Variants in AOX1 observed in about 807,000 individuals in gnomAD.
AOX1 encodes aldehyde oxidase.
Under a neutral mutation model 169.5 loss-of-function variants are expected in AOX1, and 153 were observed. That is an observed-to-expected ratio of 0.90 (90% CI 0.79 to 1.03). AOX1 has a LOEUF of 1.03. Among genes scored for constraint, AOX1 ranks in the 50% least tolerant of loss-of-function variants. AOX1 has a pLI of 0.00. For synonymous variants in AOX1, 562 were observed against 581.9 expected, an observed-to-expected ratio of 0.97 and a Z score of 0.49; for missense variants, 1,656 against 1,663.9, an observed-to-expected ratio of 1.00 and a Z score of 0.08.
chr2:200,610,235 C>T (rs908030790), intron 12 of AOX1, among the ~76,000 whole-genome samples: 1 of 152,070 alleles, frequency 6.6e-6, no homozygotes, highest in Non-Finnish European at 1.5e-5. Context: ...CCATGCCCAG[C>T]TAATTTTTGT....
At chr2:200,660,306 C>A (rs1391053352) in intron 29 of AOX1, among the ~76,000 whole-genome samples, 2 of 152,166 alleles carry the variant, frequency 1.3e-5, no homozygotes. Flanking sequence ...GTTCTTCTGC[C>A]AGAACTCCTG....
rs993498913 is a variant in AOX1 at position 200,671,327 on chromosome 2, T to C, written c.*648T>C. On this transcript the variant is annotated 3_prime_UTR_variant, in exon 35 of 35. Coordinates refer to ENST00000374700, the MANE Select transcript of AOX1 (RefSeq NM_001159.4). Reference sequence around the variant, plus strand: ...TACATAAAGAGCTCTTACAACTCAATAAAAGGCAAGTAATTTAAAAATAGG... The same window carrying C: ...TACATAAAGAGCTCTTACAACTCAACAAAAGGCAAGTAATTTAAAAATAGG... 1.3e-5 allele frequency: 2 copies of C among 152,294 alleles called. No homozygotes were observed. Among genetic ancestry groups the C allele is most frequent in the Admixed American group, 1.3e-4 (2 of 15,302 alleles). The allele number at this position is 152,294 out of a possible 1,614,324, so 9.4% of individuals were successfully genotyped here.
intron 10 of AOX1, 122 bp downstream of exon 10, chr2:200,605,750 A>T (rs1343595460): frequency 2.2e-6 from 1 of 449,204 alleles, no homozygotes; most frequent in Admixed American, 4.0e-5. Flanking sequence ...TTCTCTTCTT[A>T]TAAGAATGAT....
chr2:200,676,599 C>CAA (rs58206033), intron 4 of AOX1, among the ~76,000 whole-genome samples: 27 of 98,020 alleles, frequency 2.8e-4, no homozygotes, highest in African/African-American at 9.8e-4. Context: ...GACTACATCT[C>CAA]AAAAAAAAAA....
rs1241428231 is a variant in AOX1 at position 200,586,053 on chromosome 2, A to G, written c.-56A>G. The G allele has an allele frequency of 6.5e-6, 10 of 1,543,838 alleles. No individual in the cohort carries two copies. Among genetic ancestry groups the G allele is most frequent in the African/African-American group, 2.7e-5 (2 of 72,816 alleles). On this transcript the variant is annotated 5_prime_UTR_variant, in exon 1 of 35. Coordinates refer to ENST00000374700, the MANE Select transcript of AOX1 (RefSeq NM_001159.4). ...TGCCGCCGGGTCCCAGGTGCCCGCTACTTCCCAGAACCTCCGCCTCCCGCT... is the reference window on the plus strand; with the variant it reads ...TGCCGCCGGGTCCCAGGTGCCCGCTGCTTCCCAGAACCTCCGCCTCCCGCT...
chr2:200,665,115 C>T (rs1415108986), intron 31 of AOX1, among the ~76,000 whole-genome samples: 2 of 152,212 alleles, frequency 1.3e-5, no homozygotes, highest in Non-Finnish European at 2.9e-5. Flanking sequence ...TGAGTGTCCT[C>T]AGGACAAGAC....
chr2:200,609,504 A>T (rs2034588885), intron 12 of AOX1, 90 bp downstream of exon 12: 3 of 1,114,746 alleles, frequency 2.7e-6, no homozygotes, highest in Non-Finnish European at 2.7e-6. Flanking sequence ...CTTGAAAATG[A>T]CTTTTCCCTA....
intron 9 of AOX1, 62 bp downstream of exon 9, chr2:200,604,902 G>C: frequency 1.6e-6 from 2 of 1,239,628 alleles, no homozygotes; most frequent in South Asian, 1.2e-5. Flanking sequence ...GGATGGGGCC[G>C]GGGTGGGCTG....
intron 20 of AOX1, among the ~76,000 whole-genome samples, chr2:200,631,097 C>T (rs916491089): frequency 2.0e-5 from 3 of 152,070 alleles, no homozygotes; most frequent in African/African-American, 4.8e-5. Context: ...TCTTAGAATG[C>T]GTTCTTGGAG....
At chr2:200,652,073 A>G (rs2035590665) in intron 26 of AOX1, among the ~76,000 whole-genome samples, 1 of 152,168 alleles carries the variant, frequency 6.6e-6, no homozygotes, top group South Asian at 2.1e-4. Context: ...ATCACAAAAT[A>G]GGAACAAATG....
intron 9 of AOX1, 49 bp downstream of exon 9, chr2:200,604,889 T>A: frequency 6.5e-7 from 1 of 1,533,932 alleles, no homozygotes; most frequent in Non-Finnish European, 9.0e-7. Flanking sequence ...GAAAAAGGGC[T>A]TGGGATGGGG....
chr2:200,673,598 T>C (rs2036056716), downstream of AOX1, among the ~76,000 whole-genome samples: 1 of 152,218 alleles, frequency 6.6e-6, no homozygotes, highest in Non-Finnish European at 1.5e-5. Flanking sequence ...TTTGCTTTCC[T>C]TCCAACCATT....
At chr2:200,676,163 CCTT>C, downstream of AOX1, among the ~76,000 whole-genome samples, 1 of 151,690 alleles carries the variant, frequency 6.6e-6, no homozygotes, top group Non-Finnish European at 1.5e-5. Context: ...TTAAAATAAG[CCTT>C]CTATTTGTAA....
intron 29 of AOX1, 135 bp downstream of exon 29, chr2:200,660,204 A>G: frequency 1.4e-6 from 1 of 717,548 alleles, no homozygotes; most frequent in South Asian, 1.8e-5. Flanking sequence ...GATAAATAAA[A>G]GGCCCTTTGG....
chr2:200,668,798 T>C lies in AOX1; in HGVS notation c.3793T>C (p.Ser1265Pro), dbSNP rs1410912791. The C allele has an allele frequency of 1.2e-6, 2 of 1,613,756 alleles. No individual in the cohort carries two copies. Among genetic ancestry groups the C allele is most frequent in the Non-Finnish European group, 8.5e-7 (1 of 1,179,804 alleles). ...TCAAAACTCAAATACTCTTTATTCA[T>C]CTAAGGTAAGTAATGTTCTATGGGT... is the stretch of plus-strand genomic sequence containing the variant. ...PSQNSNTLYS[S>P]KGLGESGVFL... Residue 1265 changes from serine to proline, a missense_variant, in exon 33 of 35, where the codon TCT becomes CCT. Ser to Pro is a moderately conservative substitution (Grantham distance 74). Coordinates refer to ENST00000374700, the MANE Select transcript of AOX1 (RefSeq NM_001159.4).
chr2:200,586,134 T>A lies in AOX1; in HGVS notation c.26T>A (p.Phe9Tyr). 1 of 1,566,766 alleles carries A rather than the reference T, an allele frequency of 6.4e-7. No individual in the cohort carries two copies. The highest frequency in any genetic ancestry group is 1.2e-5 in the South Asian group (1 of 84,968). ...ATGGACCGGGCGTCCGAGCTGCTCT[T>A]CTACGTGAACGGCCGCAAGGTGAGC... MDRASELLFYVNGRKVIEK... is the reference protein window; with the variant it reads MDRASELLYYVNGRKVIEK... The change falls in exon 1 of 35, where the codon TTC (phenylalanine) becomes TAC (tyrosine). Residue 9 changes from phenylalanine (F) to tyrosine (Y), a missense_variant. Transcript: ENST00000374700.
In AOX1 at chr2:200,588,726, C is replaced by CTTTTTTTTTTCTTTTTTTTTT. The variant is rs2034096771; in HGVS notation, c.45+2583_45+2584insCTTTTTTTTTTTTTTTTTTTT. On this transcript the variant is annotated intron_variant, in intron 1 of 34. Transcript: ENST00000374700. ...CTTACATGGAAAGAACTAGAATAAG[C>CTTTTTTTTTTCTTTTTTTTTT]TTTTTTTTTTTTTTTTTTTTTGAGA... Among the ~76,000 whole-genome samples, 9 of 53,986 alleles carry CTTTTTTTTTTCTTTTTTTTTT rather than the reference C, an allele frequency of 1.7e-4. 1 individual carries two copies. The highest frequency in any genetic ancestry group is 5.5e-4 in the African/African-American group (9 of 16,252). The allele number at this position is 53,986 out of a possible 152,430, so 35.4% of individuals were successfully genotyped here. A position where few individuals can be genotyped will look rare whatever the true frequency, so the allele number is the denominator to read the frequency against.
rs1343834541 is a variant in AOX1, at chr2:200,589,280, CAGA to C, written c.45+3132_45+3134del. Reference sequence around the variant, plus strand: ...ATCTTATTCACTCTACCAAGGCCCCCAGAAGAACAGATGACCCATTTAACATGG... The same window carrying C: ...ATCTTATTCACTCTACCAAGGCCCCCAGAACAGATGACCCATTTAACATGG... On this transcript the variant is annotated intron_variant, in intron 1 of 34. Transcript: ENST00000374700. Among the ~76,000 whole-genome samples, 5 of 152,202 alleles carry C rather than the reference CAGA, an allele frequency of 3.3e-5. No individual in the cohort carries two copies. In the East Asian group the frequency reaches 9.7e-4, roughly 29 times the overall value.
At chr2:200,656,549 A>G (rs1486445596) in intron 26 of AOX1, among the ~76,000 whole-genome samples, 3 of 152,194 alleles carry the variant, frequency 2.0e-5, no homozygotes, top group Non-Finnish European at 2.9e-5. Flanking sequence ...ATATGGGATT[A>G]TAAGAAAATG....
Sources: allele counts gnomAD v4.1 joint callset (sites outside exome capture counted in the v4.1 genomes callset), GRCh38; gene constraint gnomAD v4.1.1; transcripts MANE v1.5; gene names NCBI Gene and HGNC (gene_info 2026-07-23, HGNC 2026-07-21).